The following PRKG1 variants were observed in gnomAD, a reference collection of about 807,000 sequenced individuals.
PRKG1 encodes protein kinase cGMP-dependent 1.
A neutral mutation model predicts 88.1 loss-of-function variants in PRKG1; 35 were observed. That is an observed-to-expected ratio of 0.40 (90% CI 0.30 to 0.53). PRKG1 has a LOEUF of 0.53. Ranked by LOEUF, PRKG1 falls within the 20% of genes least tolerant of loss-of-function variation. The pLI is 0.59. For missense variants in PRKG1, 540 were observed against 839.8 expected (o/e 0.64, Z 4.41); for synonymous variants, 303 against 292.5 (o/e 1.04, Z -0.37).
At chr10:51,915,751 T>A (rs897939927) in intron 5 of PRKG1, among the ~76,000 whole-genome samples, 9 of 152,158 alleles carry the variant, frequency 5.9e-5, no homozygotes, top group African/African-American at 2.2e-4. Context: ...CACTTACAGC[T>A]TAATAATAAA....
At chr10:51,217,178 G>C (rs1188845442) in intron 2 of PRKG1, among the ~76,000 whole-genome samples, 1 of 152,112 alleles carries the variant, frequency 6.6e-6, no homozygotes, top group East Asian at 1.9e-4. Flanking sequence ...TACAACACAA[G>C]CTGTTACTGA....
intron 2 of PRKG1, among the ~76,000 whole-genome samples, chr10:51,232,438 A>G (rs1838869023): frequency 6.6e-6 from 1 of 152,184 alleles, no homozygotes; most frequent in Non-Finnish European, 1.5e-5. Context: ...AGACACTTTG[A>G]TGCAAAATGG....
chr10:51,789,256 G>A (rs1025300175), intron 3 of PRKG1, among the ~76,000 whole-genome samples: 2 of 152,184 alleles, frequency 1.3e-5, no homozygotes, highest in African/African-American at 4.8e-5. Flanking sequence ...TACCAAACAT[G>A]TGCAGATATT....
At chr10:51,318,204 T>C (rs1841370116) in intron 2 of PRKG1, among the ~76,000 whole-genome samples, 1 of 152,160 alleles carries the variant, frequency 6.6e-6, no homozygotes, top group Non-Finnish European at 1.5e-5. Flanking sequence ...CTGCTTGATG[T>C]GTGAAAATAT....
chr10:52,212,659 G>T (rs964232633), intron 9 of PRKG1, among the ~76,000 whole-genome samples: 2 of 151,450 alleles, frequency 1.3e-5, no homozygotes, highest in Admixed American at 1.3e-4. Flanking sequence ...AGAAATACTA[G>T]TTACAAGGCA....
intron 1 of PRKG1, among the ~76,000 whole-genome samples, chr10:51,064,171 T>C (rs1015110005): frequency 6.6e-6 from 1 of 152,084 alleles, no homozygotes; most frequent in African/African-American, 2.4e-5. Flanking sequence ...TTTTCTGTTG[T>C]GGAGCTTTAT....
At chr10:51,096,144 G>A (rs967002910) in intron 1 of PRKG1, among the ~76,000 whole-genome samples, 4 of 152,098 alleles carry the variant, frequency 2.6e-5, no homozygotes, top group East Asian at 1.9e-4. Context: ...TAAAATGAAG[G>A]CACAGCAGCT....
At position 51,375,653 on chromosome 10, in the gene PRKG1, A is replaced by G. The variant is rs78188519; in HGVS notation, c.479-92070A>G. ...TACTATTCAAGGTGTGAGGGACTTA[A>G]CATTGAGTAACAAGGACAAAATCCT... On this transcript the variant is annotated intron_variant, in intron 2 of 17. Coordinates refer to ENST00000373980, the MANE Select transcript of PRKG1 (RefSeq NM_006258.4). 8.6e-3 allele frequency among the ~76,000 whole-genome samples: 1,314 copies of G among 152,288 alleles called. 17 individuals carry two copies. Among genetic ancestry groups the G allele is most frequent in the African/African-American group, 0.03 (1,237 of 41,548 alleles).
At chr10:51,320,350 G>T in intron 2 of PRKG1, 1 of 165,598 alleles carries the variant, frequency 6.0e-6, no homozygotes. Flanking sequence ...GCAGCCTAGG[G>T]AAACTGGGGA....
At chr10:51,630,722 CT>C (rs1839504255) in intron 3 of PRKG1, among the ~76,000 whole-genome samples, 1 of 152,214 alleles carries the variant, frequency 6.6e-6, no homozygotes, top group Admixed American at 6.5e-5. Context: ...ATCAAATCGT[CT>C]AGTTATGTTG....
chr10:51,049,096 C>A (rs919414036), intron 1 of PRKG1, among the ~76,000 whole-genome samples: 1 of 152,154 alleles, frequency 6.6e-6, no homozygotes, highest in East Asian at 1.9e-4. Context: ...AAAGGAAGAG[C>A]TCCCGCGTCC....
At chr10:51,475,262 A>C (rs1028546042) in intron 3 of PRKG1, among the ~76,000 whole-genome samples, 1 of 151,948 alleles carries the variant, frequency 6.6e-6, no homozygotes, top group African/African-American at 2.4e-5. Flanking sequence ...TGTTTACTCT[A>C]ATGTCTCTCA....
intron 2 of PRKG1, among the ~76,000 whole-genome samples, chr10:51,462,659 A>T (rs1409971275): frequency 2.5e-4 from 38 of 152,172 alleles, no homozygotes; most frequent in Admixed American, 2.4e-3. Flanking sequence ...AGTAAAATTT[A>T]AAAGTGCATT....
intron 1 of PRKG1, among the ~76,000 whole-genome samples, chr10:51,136,642 A>G (rs574598913): frequency 1.2e-3 from 184 of 151,492 alleles, no homozygotes; most frequent in Middle Eastern, 3.4e-3. Context: ...TACAGGAGAT[A>G]TATGGAAAAA....
intron 2 of PRKG1, chr10:51,245,731 G>T (rs1171904469): frequency 6.6e-6 from 1 of 152,036 alleles, no homozygotes; most frequent in East Asian, 1.9e-4. Flanking sequence ...CTAGTAAAAA[G>T]TGTTCTCATT....
intron 4 of PRKG1, among the ~76,000 whole-genome samples, chr10:51,829,380 G>A (rs944299072): frequency 1.3e-5 from 2 of 152,116 alleles, no homozygotes; most frequent in Non-Finnish European, 2.9e-5. Context: ...TGAAGACCTT[G>A]GGATCAGTCA....
chr10:51,423,184 T>G (rs1838467630), intron 2 of PRKG1, among the ~76,000 whole-genome samples: 1 of 152,096 alleles, frequency 6.6e-6, no homozygotes, highest in Admixed American at 6.6e-5. Context: ...GAAGAAGAGA[T>G]TTTCCAAAAT....
intron 1 of PRKG1, among the ~76,000 whole-genome samples, chr10:51,080,437 A>T (rs1459867383): frequency 1.3e-5 from 2 of 151,190 alleles, no homozygotes; most frequent in African/African-American, 4.9e-5. Flanking sequence ...ATATGGACAC[A>T]TTTTTTTTTC....
At chr10:51,456,335 A>G (rs1449224317) in intron 2 of PRKG1, among the ~76,000 whole-genome samples, 1 of 152,104 alleles carries the variant, frequency 6.6e-6, no homozygotes, top group African/African-American at 2.4e-5. Flanking sequence ...GACACAGCCA[A>G]ACCATATCAA....
Sources: allele counts gnomAD v4.1 joint callset (sites outside exome capture counted in the v4.1 genomes callset), GRCh38; gene constraint gnomAD v4.1.1; transcripts MANE v1.5; gene names NCBI Gene and HGNC (gene_info 2026-07-23, HGNC 2026-07-21).